The following CPEB4 variants were observed in gnomAD, a reference collection of about 807,000 sequenced individuals.
CPEB4 encodes the protein cytoplasmic polyadenylation element binding protein 4.
Under a neutral mutation model 72.5 loss-of-function variants are expected in CPEB4, and 12 were observed. The observed-to-expected ratio is 0.17, with a 90% CI of 0.11 to 0.27. The LOEUF is 0.27. Ranked by LOEUF, CPEB4 falls within the 10% of genes least tolerant of loss-of-function variation. The probability of loss-of-function intolerance (pLI) is 1.00; values close to 1 mark genes in which losing one functional copy is unlikely to be tolerated. For synonymous variants in CPEB4, 302 were observed against 326.3 expected (o/e 0.93, Z 0.80); for missense variants, 614 against 908.5 (o/e 0.68, Z 4.17).
intron 5 of CPEB4, among the ~76,000 whole-genome samples, chr5:173,947,076 A>G (rs1758045701): frequency 6.6e-6 from 1 of 151,986 alleles, no homozygotes; most frequent in South Asian, 2.1e-4. Context: ...GCTCTGCCAG[A>G]CTGGAATTTA....
chr5:173,934,734 C>T (rs1199528342), intron 3 of CPEB4, among the ~76,000 whole-genome samples: 2 of 152,174 alleles, frequency 1.3e-5, no homozygotes, highest in African/African-American at 2.4e-5. Context: ...ATTCTCTCTC[C>T]AGTAGCAATG....
intron 2 of CPEB4, among the ~76,000 whole-genome samples, chr5:173,914,417 T>A (rs1211881388): frequency 6.6e-6 from 1 of 152,122 alleles, no homozygotes; most frequent in Non-Finnish European, 1.5e-5. Context: ...AATAAATAAA[T>A]AAAATACTCT....
chr5:173,951,778 A>G (rs374127938), intron 7 of CPEB4, 46 bp from the exon 8 acceptor site: 4 of 1,110,838 alleles, frequency 3.6e-6, no homozygotes, highest in Non-Finnish European at 5.5e-6. Flanking sequence ...TTGCCCATGA[A>G]TTGTCTGTAT....
chr5:173,910,641 T>C (rs749840131), intron 2 of CPEB4, 37 bp downstream of exon 2: 2 of 1,279,922 alleles, frequency 1.6e-6, no homozygotes, highest in South Asian at 1.2e-5. Context: ...TTTCAGACAA[T>C]AGTTTTAAAT....
At position 173,930,302 on chromosome 5, in the gene CPEB4, C is replaced by T. The variant is rs1481503120; in HGVS notation, c.1208-2148C>T. ...AACTCCTGATCTCAGGCAATCTGCC[C>T]GCCTCGGCCTCTCAAAGTGCTGGGG... On this transcript the variant is annotated intron_variant, in intron 2 of 9. Transcript: ENST00000265085. Among the ~76,000 whole-genome samples, 15 of 152,266 alleles carry T rather than the reference C, an allele frequency of 9.9e-5. No individual in the cohort carries two copies. The East Asian group carries it at 2.7e-3, about 27-fold the overall frequency.
intron 1 of CPEB4, among the ~76,000 whole-genome samples, chr5:173,910,020 CA>C (rs1184463442): frequency 6.6e-6 from 1 of 150,988 alleles, no homozygotes; most frequent in Non-Finnish European, 1.5e-5. Flanking sequence ...AGATTTCTCT[CA>C]TTTTTTTTTT....
At position 173,958,798 on chromosome 5, in the gene CPEB4, GTGAA is replaced by G. The variant is rs1758457642; in HGVS notation, c.*2664_*2667del. On this transcript the variant is annotated 3_prime_UTR_variant, in exon 10 of 10. Coordinates refer to ENST00000265085, the MANE Select transcript of CPEB4 (RefSeq NM_030627.4). ...TATTCATAAAATGCAGACATTTTTGGTGAATGTTTAGCCATTTTTAATATTAATA... is the reference window on the plus strand; with the variant it reads ...TATTCATAAAATGCAGACATTTTTGGTGTTTAGCCATTTTTAATATTAATA... 1 of 152,542 alleles carries G rather than the reference GTGAA, an allele frequency of 6.6e-6. No individual in the cohort carries two copies. The highest frequency in any genetic ancestry group is 1.5e-5 in the Non-Finnish European group (1 of 68,012). 9.4% of individuals were successfully genotyped at this position (152,542 alleles called of 1,614,324 possible).
intron 1 of CPEB4, among the ~76,000 whole-genome samples, chr5:173,903,572 A>G (rs567148080): frequency 6.6e-6 from 1 of 152,366 alleles, no homozygotes; most frequent in Non-Finnish European, 1.5e-5. Flanking sequence ...TATTTTAACA[A>G]GAACTCCAGG....
chr5:173,927,855 A>G (rs1757304084), intron 2 of CPEB4, among the ~76,000 whole-genome samples: 1 of 152,250 alleles, frequency 6.6e-6, no homozygotes, highest in Non-Finnish European at 1.5e-5. Context: ...ATAGATGTTT[A>G]TGACGGCTTT....
In CPEB4 at chr5:173,955,449, C is replaced by T. The variant is rs750322197; in HGVS notation, c.1963-461C>T. On this transcript the variant is annotated intron_variant, in intron 9 of 9. Transcript: ENST00000265085. This position sits in a 1 kb window ranked among gnomAD's most constrained non-coding sequence, Gnocchi z 4.7. Reference sequence around the variant, plus strand: ...TTTACGACAGCTCAGAATCTTGTGACGCAGTAGTCAGGCATCTTCACACCA... The same window carrying T: ...TTTACGACAGCTCAGAATCTTGTGATGCAGTAGTCAGGCATCTTCACACCA... Among the ~76,000 whole-genome samples the T allele has an allele frequency of 1.4e-4, 22 of 151,926 alleles. No homozygotes were observed. In the East Asian group the frequency reaches 3.1e-3, roughly 21 times the overall value.
intron 1 of CPEB4, among the ~76,000 whole-genome samples, chr5:173,897,981 A>C (rs1040071025): frequency 6.6e-6 from 1 of 152,166 alleles, no homozygotes; most frequent in African/African-American, 2.4e-5. Context: ...AAACTCCATC[A>C]GCTACCTATA....
At chr5:173,915,404 C>T (rs953517107) in intron 2 of CPEB4, among the ~76,000 whole-genome samples, 1 of 152,050 alleles carries the variant, frequency 6.6e-6, no homozygotes, top group Non-Finnish European at 1.5e-5. Flanking sequence ...AAGGGTTCTC[C>T]TCATTCCTTA....
intron 2 of CPEB4, among the ~76,000 whole-genome samples, chr5:173,915,537 G>A (rs760820647): frequency 6.6e-6 from 1 of 152,072 alleles, no homozygotes; most frequent in Non-Finnish European, 1.5e-5. Context: ...CCCAGAGACC[G>A]AATTCATTTT....
chr5:173,941,644 G>T (rs1757845829), intron 3 of CPEB4, among the ~76,000 whole-genome samples: 1 of 149,362 alleles, frequency 6.7e-6, no homozygotes, highest in African/African-American at 2.4e-5. Context: ...AGGCTGAGGT[G>T]GGCAGATCAC....
intron 3 of CPEB4, among the ~76,000 whole-genome samples, chr5:173,938,722 A>G (rs1757719929): frequency 6.6e-6 from 1 of 152,196 alleles, no homozygotes; most frequent in Non-Finnish European, 1.5e-5. Context: ...CTTATCCTTC[A>G]TGGCCTAAAG....
chr5:173,894,343 G>A (rs1755924833), intron 1 of CPEB4, among the ~76,000 whole-genome samples: 1 of 152,082 alleles, frequency 6.6e-6, no homozygotes, highest in Admixed American at 6.6e-5. Flanking sequence ...ACATGTGGCG[G>A]GGTGCGGTAG....
Position 173,890,764 on chromosome 5 carries a change from A to G in CPEB4, c.1031A>G (p.Gln344Arg). 1 of 1,614,214 alleles carries G rather than the reference A, an allele frequency of 6.2e-7. No individual in the cohort carries two copies. Among genetic ancestry groups the G allele is most frequent in the Non-Finnish European group, 8.5e-7 (1 of 1,180,034 alleles). Residue 344 changes from glutamine to arginine, a missense_variant, in exon 1 of 10, where the codon CAG (glutamine) becomes CGG (arginine). Physicochemically the swap from Gln to Arg is conservative, Grantham distance 43. Coordinates refer to ENST00000265085, the MANE Select transcript of CPEB4 (RefSeq NM_030627.4). ...AAAAATTTTGCAAGCAATCATATTC[A>G]GCTCCAGAAGTATGCTCGCCCCAGC... ...LKKNFASNHI[Q>R]LQKYARPSSA...
chr5:173,895,122 A>G (rs563248896), intron 1 of CPEB4, among the ~76,000 whole-genome samples: 14 of 152,322 alleles, frequency 9.2e-5, no homozygotes, highest in African/African-American at 3.1e-4. Flanking sequence ...CCCAATTTCA[A>G]AATGAAGGTC....
intron 2 of CPEB4, chr5:173,910,834 C>A: frequency 2.2e-6 from 1 of 448,786 alleles, no homozygotes; most frequent in Non-Finnish European, 4.0e-6. Context: ...TACTAATTGC[C>A]AAGAATGGGC....
Sources: gnomAD v4.1 joint callset for allele counts (sites outside exome capture counted in the v4.1 genomes callset) on GRCh38, gnomAD v4.1.1 for gene constraint, Gnocchi (gnomAD v3.1) non-coding constraint, MANE v1.5 for transcripts, NCBI Gene and HGNC (gene_info 2026-07-23, HGNC 2026-07-21) for gene names.